Variants in DNAH7 observed in about 807,000 individuals in gnomAD.
DNAH7 encodes the protein dynein axonemal heavy chain 7.
Under a neutral mutation model 444.6 loss-of-function variants are expected in DNAH7, and 397 were observed. The ratio of observed to expected loss-of-function variants is 0.89; its 90% CI spans 0.82 to 0.97. The LOEUF is 0.97. Among genes scored for constraint, DNAH7 ranks in the 50% least tolerant of loss-of-function variants. The probability of loss-of-function intolerance (pLI) is 0.00; values close to 1 mark genes in which losing one functional copy is unlikely to be tolerated. For missense variants in DNAH7, 4,902 were observed against 4,800.8 expected (o/e 1.02, Z -0.62); for synonymous variants, 1,636 against 1,624.4 (o/e 1.01, Z -0.17).
intron 12 of DNAH7, chr2:195,998,755 T>G (rs1277868798): frequency 5.2e-6 from 1 of 192,676 alleles, no homozygotes; most frequent in Admixed American, 5.9e-5. Flanking sequence ...GTAAGCAGTA[T>G]GTTTCTTGAG....
At chr2:195,819,055 C>T (rs1182878499) in intron 49 of DNAH7, among the ~76,000 whole-genome samples, 1 of 151,974 alleles carries the variant, frequency 6.6e-6, no homozygotes, top group Non-Finnish European at 1.5e-5. Flanking sequence ...GAATCCCATA[C>T]ACACTATCTA....
chr2:196,061,831 T>C (rs1023401188), intron 1 of DNAH7, among the ~76,000 whole-genome samples: 5 of 152,232 alleles, frequency 3.3e-5, no homozygotes. Flanking sequence ...TCCATTCTCT[T>C]GGATTTCCCA....
chr2:195,940,668 AGC>A (rs1689364567), intron 19 of DNAH7, among the ~76,000 whole-genome samples: 1 of 152,060 alleles, frequency 6.6e-6, no homozygotes, highest in East Asian at 1.9e-4. Context: ...AAGGAACTTA[AGC>A]CAATTAAAAA....
chr2:195,914,441 T>A (rs1469009247), intron 24 of DNAH7, among the ~76,000 whole-genome samples: 4 of 152,226 alleles, frequency 2.6e-5, no homozygotes, highest in African/African-American at 9.6e-5. Flanking sequence ...TAGTGTTAGA[T>A]CCTGTATAGG....
At chr2:195,997,159 C>G (rs1415744845) in intron 12 of DNAH7, among the ~76,000 whole-genome samples, 1 of 152,052 alleles carries the variant, frequency 6.6e-6, no homozygotes, top group South Asian at 2.1e-4. Context: ...ATTTGTAAAG[C>G]CTATAGGTTT....
At chr2:195,958,372 T>C (rs1690842753) in intron 18 of DNAH7, among the ~76,000 whole-genome samples, 1 of 152,212 alleles carries the variant, frequency 6.6e-6, no homozygotes, top group South Asian at 2.1e-4. Flanking sequence ...TTTAAGAATA[T>C]AGTATATAAT....
chr2:195,853,425 A>G lies in DNAH7; in HGVS notation c.8699T>C (p.Leu2900Pro). 6.2e-7 allele frequency: 1 copy of G among 1,614,144 alleles called. No individual in the cohort carries two copies. The highest frequency in any genetic ancestry group is 8.5e-7 in the Non-Finnish European group (1 of 1,180,026). The part of the protein sequence containing the change: ...WSHTALELGQ[L>P]YINLTGDILI... ...GATATCCCCAGTCAAGTTGATGTAC[A>G]GCTGACCTAGCTCCAGAGCTGTGTG... is the stretch of plus-strand genomic sequence containing the variant. Residue 2900 changes from leucine (L) to proline (P), a missense_variant, in exon 46 of 65, where the codon CTG (leucine) becomes CCG (proline). Transcript: ENST00000312428.
At chr2:195,959,222 T>C (rs1455385593) in intron 18 of DNAH7, among the ~76,000 whole-genome samples, 1 of 152,176 alleles carries the variant, frequency 6.6e-6, no homozygotes, top group Non-Finnish European at 1.5e-5. Flanking sequence ...TAACCAGGCA[T>C]TTTCAGATGT....
At position 195,853,449 on chromosome 2, in the gene DNAH7, T is replaced by C. The variant is rs754818801; in HGVS notation, c.8675A>G (p.His2892Arg). ...CAGCTGACCTAGCTCCAGAGCTGTG[T>C]GGCTCCATCGAGTTTTCTCACCTCC... ...GLGGEKTRWS[H>R]TALELGQLYI... The change falls in exon 46 of 65, where the codon CAC (histidine) becomes CGC (arginine). Residue 2892 changes from histidine (H) to arginine (R), a missense_variant. Transcript: ENST00000312428. The C allele has an allele frequency of 1.2e-6, 2 of 1,614,128 alleles. No individual in the cohort carries two copies. The highest frequency in any genetic ancestry group is 1.7e-6 in the Non-Finnish European group (2 of 1,180,002).
At chr2:196,000,516 C>G (rs1693967903) in intron 12 of DNAH7, among the ~76,000 whole-genome samples, 188 bp downstream of exon 12, 1 of 152,116 alleles carries the variant, frequency 6.6e-6, no homozygotes, top group Non-Finnish European at 1.5e-5. Flanking sequence ...CAAAGGAAGA[C>G]TAAACTAGGA....
chr2:196,005,914 A>AACACAC (rs3052597), intron 10 of DNAH7, among the ~76,000 whole-genome samples: 72 of 150,102 alleles, frequency 4.8e-4, no homozygotes, highest in East Asian at 1.2e-3. Flanking sequence ...ACAAAGACAT[A>AACACAC]ACACACACAC....
chr2:195,886,262 G>A lies in DNAH7; in HGVS notation c.5417C>T (p.Pro1806Leu), dbSNP rs770960523. ...FIRKHTKELS[P>L]TSDTNLVRSL... ...CCGGACCAAGTTTGTATCGGAAGTAGGAGATAATTCCTGAAAAGTCAGTAA... is the reference window on the plus strand; with the variant it reads ...CCGGACCAAGTTTGTATCGGAAGTAAGAGATAATTCCTGAAAAGTCAGTAA... Residue 1806 changes from proline (P) to leucine (L), a missense_variant, in exon 34 of 65, where the codon CCT becomes CTT. Transcript: ENST00000312428. 1.2e-6 allele frequency: 2 copies of A among 1,610,622 alleles called. No individual in the cohort carries two copies. Among genetic ancestry groups the A allele is most frequent in the Non-Finnish European group, 8.5e-7 (1 of 1,178,738 alleles).
rs552086773 is a variant in DNAH7 at position 195,771,599 on chromosome 2, C to G, written c.11433+61G>C. 19 of 1,248,448 alleles carry G rather than the reference C, an allele frequency of 1.5e-5. No individual in the cohort carries two copies. In the South Asian group the frequency reaches 2.3e-4, roughly 15 times the overall value. 77.3% of individuals were successfully genotyped at this position (1,248,448 alleles called of 1,614,324 possible). A position where few individuals can be genotyped will look rare whatever the true frequency, so the allele number is the denominator to read the frequency against. On this transcript the variant is annotated intron_variant, in intron 61 of 64. Coordinates refer to ENST00000312428, the MANE Select transcript of DNAH7 (RefSeq NM_018897.3). ...AGTATTTGTGCTAAACAAGTATTTG[C>G]TAAATAAATGAATGCTATATATAAT...
At chr2:195,818,993 C>T (rs1479740585) in intron 49 of DNAH7, among the ~76,000 whole-genome samples, 1 of 152,104 alleles carries the variant, frequency 6.6e-6, no homozygotes, top group Non-Finnish European at 1.5e-5. Flanking sequence ...AGCATCACCT[C>T]CCACTACTCC....
chr2:195,910,632 G>A (rs370853664), intron 24 of DNAH7, among the ~76,000 whole-genome samples: 8 of 152,088 alleles, frequency 5.3e-5, no homozygotes, highest in South Asian at 2.1e-4. Context: ...AGATTGTTTC[G>A]GGATCAGTAT....
intron 33 of DNAH7, among the ~76,000 whole-genome samples, chr2:195,887,918 G>C (rs1213489967): frequency 6.6e-6 from 1 of 150,628 alleles, no homozygotes; most frequent in Non-Finnish European, 1.5e-5. Flanking sequence ...ACCATGGACT[G>C]ACTGGCTTAT....
In DNAH7 at chr2:195,853,333, T is replaced by C. The variant is rs1699500301; in HGVS notation, c.8781+10A>G. 1 of 1,608,574 alleles carries C rather than the reference T, an allele frequency of 6.2e-7. No homozygotes were observed. On this transcript the variant is annotated intron_variant, in intron 46 of 64. Coordinates refer to ENST00000312428, the MANE Select transcript of DNAH7 (RefSeq NM_018897.3). ...AGAGGGTCAGGAAGAGATGGAATAG[T>C]GTCCCTTACCTGTCTATAGGTGGAT...
intron 11 of DNAH7, among the ~76,000 whole-genome samples, chr2:196,001,194 G>A (rs1294875305): frequency 6.6e-6 from 1 of 152,064 alleles, no homozygotes; most frequent in African/African-American, 2.4e-5. Flanking sequence ...CCAAGGCCCT[G>A]CTCACACTGC....
intron 1 of DNAH7, among the ~76,000 whole-genome samples, chr2:196,059,003 G>A (rs1177902628): frequency 6.6e-6 from 1 of 151,738 alleles, no homozygotes; most frequent in Non-Finnish European, 1.5e-5. Context: ...AATAGAATTA[G>A]GAGTTCAGAA....
Sources: gnomAD v4.1 joint callset for allele counts (sites outside exome capture counted in the v4.1 genomes callset) on GRCh38, gnomAD v4.1.1 for gene constraint, MANE v1.5 for transcripts, NCBI Gene and HGNC (gene_info 2026-07-23, HGNC 2026-07-21) for gene names.